SCN3B: variants seen among roughly 807,000 people sequenced by gnomAD.
SCN3B encodes sodium voltage-gated channel beta subunit 3.
A neutral mutation model predicts 25.4 loss-of-function variants in SCN3B; 11 were observed. That is an observed-to-expected ratio of 0.43 (90% CI 0.27 to 0.72). The LOEUF (loss-of-function observed/expected upper bound fraction) is 0.72. Ranked by LOEUF, SCN3B falls within the 30% of genes least tolerant of loss-of-function variation. SCN3B has a pLI of 0.18. For missense variants in SCN3B, 218 were observed against 278.3 expected, an observed-to-expected ratio of 0.78 and a Z score of 1.54; for synonymous variants, 109 against 110.7, an observed-to-expected ratio of 0.99 and a Z score of 0.09.
At chr11:123,639,963 CCCTTGCCAGCTCTCA>C (rs1300412110) in intron 4 of SCN3B, 1 of 152,218 alleles carries the variant, frequency 6.6e-6, no homozygotes, top group Non-Finnish European at 1.5e-5. Context: ...GCCACCTCTC[CCCTTGCCAGCTCTCA>C]ACAGCAAGTC....
intron 1 of SCN3B, 160 bp from the exon 2 acceptor site, chr11:123,653,986 G>A (rs1955963171): frequency 1.0e-5 from 7 of 666,780 alleles, no homozygotes; most frequent in Admixed American, 2.5e-5. Flanking sequence ...GCCGGGTGGG[G>A]GCTTTGGGCC....
In SCN3B at chr11:123,642,507, A is replaced by G. The variant is rs745365889; in HGVS notation, c.384T>C (p.Phe128=). 4 of 1,614,158 alleles carry G rather than the reference A, an allele frequency of 2.5e-6. No homozygotes were observed. The highest frequency in any genetic ancestry group is 2.5e-6 in the Non-Finnish European group (3 of 1,180,030). ...YTCNVSREFE[F]EAHRPFVKTT... is the part of the protein sequence containing the mutation. ...TCTTCACAAAGGGCCGATGCGCCTC[A>G]AACTCAAACTCCCGGGACACATTGC... Residue 128 remains phenylalanine (F), a synonymous_variant, in exon 4 of 7, where the codon TTT becomes TTC. Transcript: ENST00000299333. The surrounding 1 kb of genome is among the most constrained non-coding windows in gnomAD (Gnocchi z 4.3).
At chr11:123,637,494 A>G (rs1955742331) in intron 5 of SCN3B, among the ~76,000 whole-genome samples, 1 of 152,092 alleles carries the variant, frequency 6.6e-6, no homozygotes. Context: ...CAGAACGGTT[A>G]TAATAATGTT....
At position 123,644,718 on chromosome 11, in the gene SCN3B, C is replaced by T. The variant is rs564200384; in HGVS notation, c.219+869G>A. On this transcript the variant is annotated intron_variant, in intron 3 of 6. Transcript: ENST00000299333. ...TCTGGGAGGTGGAGGTTACAGTAAG[C>T]GAGATCACACCACTGCACTCCAGCT... 1.3e-4 allele frequency among the ~76,000 whole-genome samples: 18 copies of T among 140,614 alleles called. 1 individual carries two copies. The Admixed American group carries it at 1.3e-3, about 10-fold the overall frequency. The allele number at this position is 140,614 out of a possible 152,430, so 92.2% of individuals were successfully genotyped here. A position where few individuals can be genotyped will look rare whatever the true frequency, so the allele number is the denominator to read the frequency against.
intron 2 of SCN3B, among the ~76,000 whole-genome samples, chr11:123,647,166 T>C (rs1165765583): frequency 6.6e-6 from 1 of 152,162 alleles, no homozygotes; most frequent in Non-Finnish European, 1.5e-5. Context: ...GTACACAGCA[T>C]TGTTTGGGAT....
At position 123,634,143 on chromosome 11, in the gene SCN3B, C is replaced by G; in HGVS notation, c.648G>C (p.Ter216TyrextTer7). Residue 216 changes from the stop codon to tyrosine (Y), a stop_lost, in exon 6 of 7, where the codon TAG becomes TAC. Transcript: ENST00000299333. ...KENSAVPVEE* is the reference protein window; with the variant it reads ...KENSAVPVEEY Reference sequence around the variant, plus strand: ...CACCTCATGTCACACTGCTCCTGTTCTATTCCTCCACTGGTACCGCAGAGT... The same window carrying G: ...CACCTCATGTCACACTGCTCCTGTTGTATTCCTCCACTGGTACCGCAGAGT... The G allele has an allele frequency of 6.2e-7, 1 of 1,613,834 alleles. No individual in the cohort carries two copies. Among genetic ancestry groups the G allele is most frequent in the Non-Finnish European group, 8.5e-7 (1 of 1,179,794 alleles).
intron 1 of SCN3B, 21 bp downstream of exon 1, chr11:123,654,205 G>A: frequency 3.0e-6 from 1 of 334,362 alleles, no homozygotes; most frequent in East Asian, 7.2e-5. Context: ...CCAGGCTGTG[G>A]AAGGGTCCAG....
Position 123,633,360 on chromosome 11 carries a change from C to T in SCN3B, c.*439G>A, listed in dbSNP as rs374803776. 6.6e-6 allele frequency: 1 copy of T among 152,326 alleles called. No individual in the cohort carries two copies. Among genetic ancestry groups the T allele is most frequent in the East Asian group, 1.9e-4 (1 of 5,196 alleles). 9.4% of individuals were successfully genotyped at this position (152,326 alleles called of 1,614,324 possible). ...CACTTTTGCTTTAACCCGAACTAAT[C>T]ACTCCTGCTTCCTTCTATTAAGACT... On this transcript the variant is annotated 3_prime_UTR_variant, in exon 7 of 7. Coordinates refer to ENST00000299333, the MANE Select transcript of SCN3B (RefSeq NM_001040151.2).
chr11:123,640,857 C>A (rs1214678973), intron 4 of SCN3B: 1 of 152,224 alleles, frequency 6.6e-6, no homozygotes, highest in Non-Finnish European at 1.5e-5. Flanking sequence ...GCCCTTTATC[C>A]AGAGGCCCTG....
chr11:123,647,140 T>G (rs12418987), intron 2 of SCN3B, among the ~76,000 whole-genome samples: 23,975 of 152,032 alleles, frequency 0.16, 1,963 homozygotes, highest in Admixed American at 0.22. Context: ...TGCAAATAAC[T>G]AAATGCTAAG....
chr11:123,643,466 T>C (rs946752162), intron 3 of SCN3B, among the ~76,000 whole-genome samples: 1 of 152,374 alleles, frequency 6.6e-6, no homozygotes, highest in South Asian at 2.1e-4. Flanking sequence ...ACTAGCCACA[T>C]GTAGCTACTT....
intron 2 of SCN3B, among the ~76,000 whole-genome samples, chr11:123,646,961 G>A (rs1955860791): frequency 6.6e-6 from 1 of 152,160 alleles, no homozygotes; most frequent in Admixed American, 6.5e-5. Context: ...AGGAAAAAAT[G>A]GGAGAATTCG....
rs1367895138 is a variant in SCN3B at position 123,629,588 on chromosome 11, A to C, written c.*4211T>G. 6.6e-6 allele frequency: 1 copy of C among 152,248 alleles called. No individual in the cohort carries two copies. Among genetic ancestry groups the C allele is most frequent in the African/African-American group, 2.4e-5 (1 of 41,446 alleles). The allele number at this position is 152,248 out of a possible 1,614,324, so 9.4% of individuals were successfully genotyped here. On this transcript the variant is annotated 3_prime_UTR_variant, in exon 7 of 7. Transcript: ENST00000299333. ...AGCTGTCCACCAGCTGAGATTTTAGAGATTAAGTAAGGTTTGGATGATGCT... is the reference window on the plus strand; with the variant it reads ...AGCTGTCCACCAGCTGAGATTTTAGCGATTAAGTAAGGTTTGGATGATGCT...
At chr11:123,652,939 A>G (rs1955944015) in intron 2 of SCN3B, among the ~76,000 whole-genome samples, 1 of 152,196 alleles carries the variant, frequency 6.6e-6, no homozygotes, top group African/African-American at 2.4e-5. Flanking sequence ...TCCCCTTTAC[A>G]CACATTCAGG....
chr11:123,643,741 G>A (rs1955816525), intron 3 of SCN3B, among the ~76,000 whole-genome samples: 1 of 152,232 alleles, frequency 6.6e-6, no homozygotes, highest in African/African-American at 2.4e-5. Context: ...TGGAAGCAAT[G>A]TGGGCAGCTA....
chr11:123,639,936 G>T (rs560731784), intron 4 of SCN3B: 28 of 152,292 alleles, frequency 1.8e-4, no homozygotes, highest in African/African-American at 6.3e-4. Context: ...CTCCTTGCTA[G>T]TGGGAGAAAT....
At chr11:123,644,792 AGAGAGAGAATATATATATATATATATAT>A (rs1456028007) in intron 3 of SCN3B, among the ~76,000 whole-genome samples, 77 of 81,504 alleles carry the variant, frequency 9.4e-4, no homozygotes, top group African/African-American at 1.6e-3. Flanking sequence ...AGAGAGAGAG[AGAGAGAGAATATATATATATATATATAT>A]ATATATATAT....
At chr11:123,646,829 T>C (rs1459673035) in intron 2 of SCN3B, among the ~76,000 whole-genome samples, 1 of 152,202 alleles carries the variant, frequency 6.6e-6, no homozygotes. Flanking sequence ...GCACTGTTTT[T>C]GGAACAAATC....
At chr11:123,643,153 A>G (rs1196096446) in intron 3 of SCN3B, among the ~76,000 whole-genome samples, 1 of 152,184 alleles carries the variant, frequency 6.6e-6, no homozygotes, top group Non-Finnish European at 1.5e-5. Flanking sequence ...ATGAAGACAT[A>G]TGAAAGCCCT....
Sources: allele counts gnomAD v4.1 joint callset (sites outside exome capture counted in the v4.1 genomes callset), GRCh38; gene constraint gnomAD v4.1.1; non-coding constraint Gnocchi (gnomAD v3.1); transcripts MANE v1.5; gene names NCBI Gene and HGNC (gene_info 2026-07-23, HGNC 2026-07-21).